UTP23: variants seen among roughly 807,000 people sequenced by gnomAD.
UTP23 encodes the protein rRNA-processing protein UTP23 homolog.
UTP23 carries 10 observed loss-of-function variants against 19.8 expected under a neutral mutation model. That is an observed-to-expected ratio of 0.50 (90% CI 0.31 to 0.86). The LOEUF (loss-of-function observed/expected upper bound fraction) is 0.86. Among genes scored for constraint, UTP23 ranks in the 40% least tolerant of loss-of-function variants. The pLI, the probability that UTP23 is intolerant of heterozygous loss-of-function variation, is 0.05. For synonymous variants in UTP23, 108 were observed against 105.4 expected (o/e 1.02, Z -0.15); for missense variants, 282 against 293.1 (o/e 0.96, Z 0.28).
At chr8:116,768,867 C>T (rs982252414) in intron 1 of UTP23, among the ~76,000 whole-genome samples, 5 of 152,096 alleles carry the variant, frequency 3.3e-5, no homozygotes, top group Non-Finnish European at 5.9e-5. Flanking sequence ...TGTTTCACCA[C>T]GTTGACCAGG....
At position 116,770,253 on chromosome 8, in the gene UTP23, C is replaced by CA. The variant is rs769482274; in HGVS notation, c.255dup (p.Cys86MetfsTer24). The CA allele has an allele frequency of 3.7e-6, 6 of 1,613,864 alleles. No homozygotes were observed. Among genetic ancestry groups the CA allele is most frequent in the Non-Finnish European group, 5.1e-6 (6 of 1,179,936 alleles). ...CTTATATGGGGCAAAACTGATTGCA[C>CA]AAAAATGCCAAGTTCGAAATTGTCC... is the stretch of plus-strand genomic sequence containing the variant. On this transcript the variant is annotated frameshift_variant, in exon 2 of 3. Transcript: ENST00000309822. LOFTEE classifies it high-confidence loss of function.
chr8:116,773,567 T>C lies in UTP23; in HGVS notation c.*1725T>C. ...TGGCTCACACCTGTAATCCCAGCAC[T>C]TTGGGAGGCCGAGGCTGGCAGATCA... On this transcript the variant is annotated 3_prime_UTR_variant, in exon 3 of 3. Transcript: ENST00000309822. 2 of 876,006 alleles carry C rather than the reference T, an allele frequency of 2.3e-6. No homozygotes were observed. The highest frequency in any genetic ancestry group is 2.7e-6 in the Non-Finnish European group (2 of 730,304). The allele number at this position is 876,006 out of a possible 1,614,324, so 54.3% of individuals were successfully genotyped here. A position where few individuals can be genotyped will look rare whatever the true frequency, so the allele number is the denominator to read the frequency against.
chr8:116,767,640 C>T (rs539293346), intron 1 of UTP23, among the ~76,000 whole-genome samples: 1 of 152,270 alleles, frequency 6.6e-6, no homozygotes, highest in African/African-American at 2.4e-5. Context: ...AATGACACTT[C>T]TTGTTGTGGA....
intron 1 of UTP23, among the ~76,000 whole-genome samples, chr8:116,768,940 C>T (rs909066140): frequency 2.6e-5 from 4 of 152,228 alleles, no homozygotes; most frequent in African/African-American, 9.7e-5. Flanking sequence ...ATGGGGATTA[C>T]AGGCATGAGC....
chr8:116,771,382 T>C (rs2131024823), intron 2 of UTP23, 74 bp from the exon 3 acceptor site: 2 of 1,235,972 alleles, frequency 1.6e-6, no homozygotes, highest in African/African-American at 1.6e-5. Context: ...TTATTTTTAA[T>C]ACAGTTCTTG....
rs1815674367 is a variant in UTP23, at chr8:116,772,661, T to C, written c.*819T>C. On this transcript the variant is annotated 3_prime_UTR_variant, in exon 3 of 3. Coordinates refer to ENST00000309822, the MANE Select transcript of UTP23 (RefSeq NM_032334.3). ...TCCAATAAGGATGATGATTTTCTTT[T>C]AGATGTAAATGTTAACTTCAATAGC... The C allele has an allele frequency of 2.0e-6, 2 of 984,998 alleles. No homozygotes were observed. The highest frequency in any genetic ancestry group is 1.7e-5 in the African/African-American group (1 of 57,250). 61.0% of individuals were successfully genotyped at this position (984,998 alleles called of 1,614,324 possible). A position where few individuals can be genotyped will look rare whatever the true frequency, so the allele number is the denominator to read the frequency against.
At chr8:116,769,678 C>T (rs1309358449) in intron 1 of UTP23, among the ~76,000 whole-genome samples, 1 of 152,112 alleles carries the variant, frequency 6.6e-6, no homozygotes, top group African/African-American at 2.4e-5. Context: ...ACTCTTATGA[C>T]TAAATGTTTT....
In UTP23 at chr8:116,771,953, A is replaced by G. The variant is rs1355283006; in HGVS notation, c.*111A>G. On this transcript the variant is annotated 3_prime_UTR_variant, in exon 3 of 3. Transcript: ENST00000309822. The stretch of plus-strand genomic sequence containing the variant: ...TTTTGTAAATGAACCCATATGCTTT[A>G]GCTAAAATTAATTATAAAATAAAAA... The G allele has an allele frequency of 6.9e-7, 1 of 1,443,214 alleles. No homozygotes were observed. Among genetic ancestry groups the G allele is most frequent in the African/African-American group, 1.5e-5 (1 of 68,800 alleles). The allele number at this position is 1,443,214 out of a possible 1,614,324, so 89.4% of individuals were successfully genotyped here.
At position 116,773,682 on chromosome 8, in the gene UTP23, C is replaced by T. The variant is rs973879752; in HGVS notation, c.*1840C>T. 4.4e-5 allele frequency: 12 copies of T among 272,106 alleles called. No homozygotes were observed. The highest frequency in any genetic ancestry group is 2.8e-4 in the South Asian group (2 of 7,156). The allele number at this position is 272,106 out of a possible 1,614,324, so 16.9% of individuals were successfully genotyped here. A position where few individuals can be genotyped will look rare whatever the true frequency, so the allele number is the denominator to read the frequency against. On this transcript the variant is annotated 3_prime_UTR_variant, in exon 3 of 3. Coordinates refer to ENST00000309822, the MANE Select transcript of UTP23 (RefSeq NM_032334.3). ...AAAATTAGCTGGGTGTGGTGGTGTGCGCCTGTAGTCCCAGCTACTCGGGAG... is the reference window on the plus strand; with the variant it reads ...AAAATTAGCTGGGTGTGGTGGTGTGTGCCTGTAGTCCCAGCTACTCGGGAG...
chr8:116,769,986 G>A, intron 1 of UTP23: 1 of 481,266 alleles, frequency 2.1e-6, no homozygotes, highest in South Asian at 4.1e-5. Flanking sequence ...CATACTACAT[G>A]GAACATAATA....
chr8:116,770,446 AAGTT>A (rs2131024232), intron 2 of UTP23, 80 bp downstream of exon 2: 7 of 1,361,322 alleles, frequency 5.1e-6, no homozygotes, highest in African/African-American at 1.4e-5. Context: ...AATCAGAAAA[AAGTT>A]AGAATGATTA....
At position 116,766,728 on chromosome 8, in the gene UTP23, G is replaced by T. The variant is rs1352558593; in HGVS notation, c.125G>T (p.Arg42Leu). Residue 42 changes from arginine to leucine, a missense_variant, in exon 1 of 3, where the codon CGC (arginine) becomes CTC (leucine). By Grantham distance (102) the Arg-to-Leu change is moderately radical (BLOSUM62 -2). Coordinates refer to ENST00000309822, the MANE Select transcript of UTP23 (RefSeq NM_032334.3). ...TTCTGTCAGGCGGCGCTGCGGGGCC[G>T]CATCCAGCTGCGGGAGCAGCTGCCC... is the stretch of plus-strand genomic sequence containing the variant. ...GTFCQAALRG[R>L]IQLREQLPRY... 1.2e-6 allele frequency: 2 copies of T among 1,606,106 alleles called. No homozygotes were observed. The highest frequency in any genetic ancestry group is 1.7e-6 in the Non-Finnish European group (2 of 1,176,292).
chr8:116,770,192 A>G lies in UTP23; in HGVS notation c.189A>G (p.Arg63=). 1 of 1,590,868 alleles carries G rather than the reference A, an allele frequency of 6.3e-7. No homozygotes were observed. The highest frequency in any genetic ancestry group is 8.6e-7 in the Non-Finnish European group (1 of 1,163,214). ...TATCTGCTATAATTTTTCTTTTCAG[A>G]TGTGTGTTAAAAGAGCTAGAAACAT... ...LMGETQLCTT[R]CVLKELETLG... Residue 63 remains arginine, a splice_region_variant and synonymous_variant, in exon 2 of 3, where the codon AGA becomes AGG. Transcript: ENST00000309822.
chr8:116,766,751 C>T lies in UTP23; in HGVS notation c.148C>T (p.Pro50Ser), dbSNP rs774314717. The change falls in exon 1 of 3, where the codon CCC (proline) becomes TCC (serine). Residue 50 changes from proline (P) to serine (S), a missense_variant. Physicochemically the swap from Pro to Ser is moderately conservative, Grantham distance 74. Transcript: ENST00000309822. ...RGRIQLREQL[P>S]RYLMGETQLC... Reference sequence around the variant, plus strand: ...CCGCATCCAGCTGCGGGAGCAGCTGCCCCGCTACCTCATGGGGGAGACGCA... The same window carrying T: ...CCGCATCCAGCTGCGGGAGCAGCTGTCCCGCTACCTCATGGGGGAGACGCA... 1.3e-6 allele frequency: 2 copies of T among 1,595,626 alleles called. No homozygotes were observed. Among genetic ancestry groups the T allele is most frequent in the Non-Finnish European group, 1.7e-6 (2 of 1,170,928 alleles).
At chr8:116,770,063 A>C in intron 1 of UTP23, 129 bp from the exon 2 acceptor site, 1 of 876,566 alleles carries the variant, frequency 1.1e-6, no homozygotes, top group Non-Finnish European at 1.6e-6. Flanking sequence ...TGATCTTTTA[A>C]AGTAAATGGT....
chr8:116,766,917 C>T, intron 1 of UTP23, 126 bp downstream of exon 1: 2 of 943,518 alleles, frequency 2.1e-6, no homozygotes, highest in Non-Finnish European at 3.1e-6. Flanking sequence ...GTGGAGTTGA[C>T]AGTTAAGTGG....
chr8:116,770,018 G>A (rs1815630170), intron 1 of UTP23, 174 bp from the exon 2 acceptor site: 3 of 580,786 alleles, frequency 5.2e-6, no homozygotes, highest in South Asian at 2.9e-5. Context: ...AATTTTAACT[G>A]TTGTTCTTCC....
chr8:116,774,356 A>T lies in UTP23; in HGVS notation c.*2514A>T, dbSNP rs201189038. The T allele has an allele frequency of 2.0e-4, 201 of 985,170 alleles. No individual in the cohort carries two copies. The highest frequency in any genetic ancestry group is 2.3e-4 in the Non-Finnish European group (193 of 829,908). 61.0% of individuals were successfully genotyped at this position (985,170 alleles called of 1,614,324 possible). A position where few individuals can be genotyped will look rare whatever the true frequency, so the allele number is the denominator to read the frequency against. On this transcript the variant is annotated 3_prime_UTR_variant, in exon 3 of 3. Coordinates refer to ENST00000309822, the MANE Select transcript of UTP23 (RefSeq NM_032334.3). ...AAACTAGAGTTTCAAAGGTAAAAGG[A>T]TCTCATGTTTCTGAATCTGCGTAAA... is the stretch of plus-strand genomic sequence containing the variant.
rs188206491 is a variant in UTP23, at chr8:116,774,320, G to A, written c.*2478G>A. 2,653 of 985,240 alleles carry A rather than the reference G, an allele frequency of 2.7e-3. 4 individuals carry two copies. The highest frequency in any genetic ancestry group is 3.1e-3 in the Non-Finnish European group (2,533 of 829,900). 61.0% of individuals were successfully genotyped at this position (985,240 alleles called of 1,614,324 possible). A position where few individuals can be genotyped will look rare whatever the true frequency, so the allele number is the denominator to read the frequency against. On this transcript the variant is annotated 3_prime_UTR_variant, in exon 3 of 3. Transcript: ENST00000309822. ...TATAAATTAAAACCAAGTCACTTTA[G>A]AACAGCTTTGAAACTAGAGTTTCAA...
Sources: gnomAD v4.1 joint callset for allele counts (sites outside exome capture counted in the v4.1 genomes callset) on GRCh38, gnomAD v4.1.1 for gene constraint, MANE v1.5 for transcripts, NCBI Gene and HGNC (gene_info 2026-07-23, HGNC 2026-07-21) for gene names.